The following UMOD variants were observed in gnomAD, a reference collection of about 807,000 sequenced individuals.
The protein encoded by UMOD is uromodulin, also known as Tamm-Horsfall urinary glycoprotein.
A neutral mutation model predicts 66.0 loss-of-function variants in UMOD; 64 were observed. The ratio of observed to expected loss-of-function variants is 0.97; its 90% CI spans 0.79 to 1.19. The LOEUF (loss-of-function observed/expected upper bound fraction) is 1.19. Ranked by LOEUF, UMOD falls within the 50% of genes most tolerant of loss-of-function variation. The probability of loss-of-function intolerance (pLI) is 0.00; values close to 1 mark genes in which losing one functional copy is unlikely to be tolerated. For missense variants in UMOD, 764 were observed against 850.9 expected (o/e 0.90, Z 1.27); for synonymous variants, 398 against 352.7 (o/e 1.13, Z -1.44).
chr16:20,338,220 G>A (rs1964986845), intron 7 of UMOD, among the ~76,000 whole-genome samples: 1 of 152,176 alleles, frequency 6.6e-6, no homozygotes, highest in South Asian at 2.1e-4. Flanking sequence ...GAGGTTAAGT[G>A]GACTCAACTC....
chr16:20,346,242 T>C lies in UMOD; in HGVS notation c.1066A>G (p.Lys356Glu). 8 of 1,614,276 alleles carry C rather than the reference T, an allele frequency of 5.0e-6. No homozygotes were observed. The highest frequency in any genetic ancestry group is 6.8e-6 in the Non-Finnish European group (8 of 1,180,050). The change falls in exon 5 of 11, where the codon AAG (lysine) becomes GAG (glutamate). Residue 356 changes from lysine to glutamate, a missense_variant. Transcript: ENST00000396138. Reference protein sequence around the residue: ...KCQLKSLGFDKVFMYLSDSRC... With the variant: ...KCQLKSLGFDEVFMYLSDSRC... ...CTGTCACTCAGGTACATGAAGACCT[T>C]GTCGAAGCCCAGACTCTTCAGCTGG...
chr16:20,349,205 G>A lies in UMOD; in HGVS notation c.96C>T (p.Cys32=). 3 of 1,613,266 alleles carry A rather than the reference G, an allele frequency of 1.9e-6. No homozygotes were observed. Among genetic ancestry groups the A allele is most frequent in the Non-Finnish European group, 2.5e-6 (3 of 1,179,956 alleles). ...AATDTSEARW[C]SECHSNATCT... ...AGGTGGCATTGCTGTGACATTCAGAGCACCATCCTGTGGACAGAAAAGCCC... is the reference window on the plus strand; with the variant it reads ...AGGTGGCATTGCTGTGACATTCAGAACACCATCCTGTGGACAGAAAAGCCC... The change falls in exon 3 of 11, where the codon TGC becomes TGT. Residue 32 remains cysteine (C), a synonymous_variant. Coordinates refer to ENST00000396138, the MANE Select transcript of UMOD (RefSeq NM_003361.4).
At chr16:20,355,389 C>CT (rs1392095492), upstream of UMOD, among the ~76,000 whole-genome samples, 1 of 150,986 alleles carries the variant, frequency 6.6e-6, no homozygotes, top group Non-Finnish European at 1.5e-5. Flanking sequence ...ACTCTTCTTT[C>CT]TTTCTTTCTT....
At position 20,341,350 on chromosome 16, in the gene UMOD, A is replaced by T. The variant is rs1481798759; in HGVS notation, c.1332-14T>A. 6.2e-7 allele frequency: 1 copy of T among 1,612,624 alleles called. No homozygotes were observed. On this transcript the variant is annotated splice_polypyrimidine_tract_variant and intron_variant, in intron 6 of 10. Coordinates refer to ENST00000396138, the MANE Select transcript of UMOD (RefSeq NM_003361.4). ...ATGTTTAGAGCACTGCCAGGGGAGA[A>T]GGGTTGGTGAGAGGACCGGGCTGAG...
chr16:20,351,425 T>G (rs1965888404), intron 1 of UMOD: 1 of 161,530 alleles, frequency 6.2e-6, no homozygotes, highest in South Asian at 1.7e-4. Flanking sequence ...TAGTCCAGGG[T>G]GGATGCCAGT....
In UMOD at chr16:20,341,228, G is replaced by A; in HGVS notation, c.1440C>T (p.Ser480=). The change falls in exon 7 of 11, where the codon TCC becomes TCT. Residue 480 remains serine (S), a synonymous_variant. Coordinates refer to ENST00000396138, the MANE Select transcript of UMOD (RefSeq NM_003361.4). ...QPYQGSSVTL[S]TEAFLYVGTM... is the part of the protein sequence containing the mutation. ...TGCCCACGTAGAGAAAAGCCTCAGT[G>A]GACAGTGTCACGGAGGAGCCTTGGT... The A allele has an allele frequency of 6.2e-7, 1 of 1,614,116 alleles. No homozygotes were observed. Among genetic ancestry groups the A allele is most frequent in the Non-Finnish European group, 8.5e-7 (1 of 1,180,018 alleles).
intron 9 of UMOD, among the ~76,000 whole-genome samples, chr16:20,336,311 C>A (rs1363419222): frequency 2.0e-5 from 3 of 152,234 alleles, no homozygotes; most frequent in Admixed American, 6.5e-5. Flanking sequence ...CCTCCAGACA[C>A]AGAGTAGGCA....
At chr16:20,336,959 G>C (rs376410265) in intron 8 of UMOD, among the ~76,000 whole-genome samples, 1 of 152,202 alleles carries the variant, frequency 6.6e-6, no homozygotes, top group Non-Finnish European at 1.5e-5. Flanking sequence ...CATGAGGAAA[G>C]GGAACCAGTA....
chr16:20,351,264 G>C lies in UMOD; in HGVS notation c.-102-425C>G, dbSNP rs532240840. Reference sequence around the variant, plus strand: ...GCCAAACAGGGAGCTAGTCACCATGGAGAACAATGAACATGGCAGTCTGCT... The same window carrying C: ...GCCAAACAGGGAGCTAGTCACCATGCAGAACAATGAACATGGCAGTCTGCT... On this transcript the variant is annotated intron_variant, in intron 1 of 10. Coordinates refer to ENST00000396138, the MANE Select transcript of UMOD (RefSeq NM_003361.4). The C allele has an allele frequency of 5.4e-4, 109 of 202,618 alleles. 1 individual carries two copies. Among genetic ancestry groups the C allele is most frequent in the African/African-American group, 2.5e-3 (107 of 43,654 alleles). 12.6% of individuals were successfully genotyped at this position (202,618 alleles called of 1,614,324 possible). A position where few individuals can be genotyped will look rare whatever the true frequency, so the allele number is the denominator to read the frequency against.
chr16:20,348,021 C>T (rs1225126995), intron 4 of UMOD, among the ~76,000 whole-genome samples: 2 of 152,202 alleles, frequency 1.3e-5, no homozygotes, highest in Non-Finnish European at 2.9e-5. Context: ...GCTTTGAAGT[C>T]AACTAAAGGG....
rs10533543 is a variant in UMOD, at chr16:20,340,472, G to GTATATATATA, written c.1577+609_1577+618dup. On this transcript the variant is annotated intron_variant, in intron 7 of 10. Coordinates refer to ENST00000396138, the MANE Select transcript of UMOD (RefSeq NM_003361.4). ...TGTGTGTATATATATGTGTGTGTGTGTATATATATATATATATATATAATA... is the reference window on the plus strand; with the variant it reads ...TGTGTGTATATATATGTGTGTGTGTGTATATATATATATATATATATATATATATATAATA... Among the ~76,000 whole-genome samples, 163 of 112,528 alleles carry GTATATATATA rather than the reference G, an allele frequency of 1.4e-3. 1 individual carries two copies. The highest frequency in any genetic ancestry group is 0.014 in the South Asian group (57 of 4,018). The allele number at this position is 112,528 out of a possible 152,430, so 73.8% of individuals were successfully genotyped here. A position where few individuals can be genotyped will look rare whatever the true frequency, so the allele number is the denominator to read the frequency against.
chr16:20,349,764 T>TTTCTGCCAG (rs2141679249), intron 2 of UMOD: 1 of 1,521,340 alleles, frequency 6.6e-7, no homozygotes. Context: ...CATTTTATGT[T>TTTCTGCCAG]TTCTGCTTCC....
intron 10 of UMOD, among the ~76,000 whole-genome samples, chr16:20,335,117 C>T (rs1040979766): frequency 2.0e-5 from 3 of 152,150 alleles, no homozygotes; most frequent in Non-Finnish European, 4.4e-5. Flanking sequence ...TGAGCCACTG[C>T]GCCTGGCCTA....
chr16:20,344,246 A>G (rs1965410847), intron 5 of UMOD, 74 bp from the exon 6 acceptor site: 2 of 1,432,402 alleles, frequency 1.4e-6, no homozygotes, highest in Non-Finnish European at 9.8e-7. Context: ...TAGGACTTCA[A>G]AGCTAAATCT....
intron 7 of UMOD, among the ~76,000 whole-genome samples, 187 bp from the exon 8 acceptor site, chr16:20,337,640 T>G (rs1000758921): frequency 1.3e-5 from 2 of 152,224 alleles, no homozygotes; most frequent in Non-Finnish European, 2.9e-5. Flanking sequence ...ATAAGATAGC[T>G]GTAAGGATTA....
intron 5 of UMOD, among the ~76,000 whole-genome samples, chr16:20,345,272 C>G (rs188065417): frequency 5.9e-5 from 9 of 152,320 alleles, no homozygotes; most frequent in Admixed American, 4.6e-4. Context: ...CCTCGGCCCC[C>G]CAAAGTGCTG....
At chr16:20,340,493 T>A (rs55906116) in intron 7 of UMOD, among the ~76,000 whole-genome samples, 1,121 of 92,522 alleles carry the variant, frequency 0.012, 8 homozygotes, top group Middle Eastern at 0.064. Flanking sequence ...TATATATATA[T>A]AATACATAAA....
In UMOD at chr16:20,340,955, T is replaced by C. The variant is rs1357741291; in HGVS notation, c.1577+136A>G. ...GTTGCAGTGAGCCGAGGTCACACCA[T>C]TGCACTCCAACCTTGGCGACAGAGC... On this transcript the variant is annotated intron_variant, in intron 7 of 10. Transcript: ENST00000396138. The C allele has an allele frequency of 1.6e-5, 16 of 1,002,014 alleles. 1 individual carries two copies. The highest frequency in any genetic ancestry group is 1.1e-4 in the East Asian group (4 of 37,738). The allele number at this position is 1,002,014 out of a possible 1,614,324, so 62.1% of individuals were successfully genotyped here. A position where few individuals can be genotyped will look rare whatever the true frequency, so the allele number is the denominator to read the frequency against.
At chr16:20,336,402 C>T (rs1228605946) in intron 9 of UMOD, among the ~76,000 whole-genome samples, 1 of 152,194 alleles carries the variant, frequency 6.6e-6, no homozygotes, top group East Asian at 1.9e-4. Flanking sequence ...TTCCTACCTG[C>T]CTGTCTGGCC....
Sources: gnomAD v4.1 joint callset for allele counts (sites outside exome capture counted in the v4.1 genomes callset) on GRCh38, gnomAD v4.1.1 for gene constraint, MANE v1.5 for transcripts, NCBI Gene and HGNC (gene_info 2026-07-23, HGNC 2026-07-21) for gene names.